DISC1: variants seen among roughly 807,000 people sequenced by gnomAD.
DISC1 encodes DISC1 scaffold protein.
In DISC1, 57 loss-of-function variants were observed where a neutral mutation model predicts 84.5. That is an observed-to-expected ratio of 0.67 (90% CI 0.55 to 0.84). The LOEUF (loss-of-function observed/expected upper bound fraction) is 0.84. Among genes scored for constraint, DISC1 ranks in the 40% least tolerant of loss-of-function variants. The pLI is 0.00. For missense variants in DISC1, 1,000 were observed against 1,057.8 expected, an observed-to-expected ratio of 0.95 and a Z score of 0.76; for synonymous variants, 411 against 415.2, an observed-to-expected ratio of 0.99 and a Z score of 0.12.
At chr1:231,966,718 C>T (rs200172524) in intron 10 of DISC1, among the ~76,000 whole-genome samples, 3 of 152,230 alleles carry the variant, frequency 2.0e-5, no homozygotes, top group Non-Finnish European at 2.9e-5. Flanking sequence ...ACCTTTACCA[C>T]GAACTCTTGA....
intron 11 of DISC1, among the ~76,000 whole-genome samples, chr1:232,024,788 A>G (rs1669296458): frequency 6.6e-6 from 1 of 151,576 alleles, no homozygotes. Context: ...GAGGGGGTTT[A>G]ACCATGTTGG....
rs76422196 is a variant in DISC1 at position 231,804,960 on chromosome 1, T to G, written c.1792+4750T>G. Among the ~76,000 whole-genome samples, 1,052 of 152,268 alleles carry G rather than the reference T, an allele frequency of 6.9e-3. 12 individuals carry two copies. Among genetic ancestry groups the G allele is most frequent in the African/African-American group, 0.024 (986 of 41,546 alleles). ...TGGCAACACCTTGGGAGTCATGGAA[T>G]TAACTAGGATGTTAGAAATGAAAAA... On this transcript the variant is annotated intron_variant, in intron 8 of 12. Coordinates refer to ENST00000439617, the MANE Select transcript of DISC1 (RefSeq NM_018662.3).
At chr1:231,642,731 A>C (rs2125201944) in intron 1 of DISC1, among the ~76,000 whole-genome samples, 1 of 151,942 alleles carries the variant, frequency 6.6e-6, no homozygotes, top group East Asian at 1.9e-4. Flanking sequence ...GTGTTTCTGA[A>C]TCTCTTCTGG....
At chr1:231,640,354 G>C (rs1164910919) in intron 1 of DISC1, among the ~76,000 whole-genome samples, 1 of 152,086 alleles carries the variant, frequency 6.6e-6, no homozygotes, top group Non-Finnish European at 1.5e-5. Flanking sequence ...AGAGTGTCTT[G>C]GGGAAGATGA....
chr1:231,718,562 G>A (rs551030492), intron 3 of DISC1, among the ~76,000 whole-genome samples: 3 of 151,528 alleles, frequency 2.0e-5, no homozygotes, highest in African/African-American at 7.3e-5. Flanking sequence ...TCAGCCTCCC[G>A]AGTAGCTGGG....
intron 6 of DISC1, among the ~76,000 whole-genome samples, chr1:231,779,995 T>A (rs183968773): frequency 1.5e-3 from 227 of 151,774 alleles, no homozygotes; most frequent in African/African-American, 5.2e-3. Flanking sequence ...TTTTAAGAAA[T>A]AAAGCTCTCC....
At chr1:231,848,401 C>G (rs951076762) in intron 9 of DISC1, among the ~76,000 whole-genome samples, 1 of 152,220 alleles carries the variant, frequency 6.6e-6, no homozygotes, top group Non-Finnish European at 1.5e-5. Context: ...AACTGACAGT[C>G]TTTTGAAGTT....
intron 3 of DISC1, among the ~76,000 whole-genome samples, chr1:231,739,614 AC>A (rs2072985543): frequency 6.6e-6 from 1 of 152,154 alleles, no homozygotes; most frequent in Admixed American, 6.5e-5. Flanking sequence ...TATGATTTTG[AC>A]CCCAGTCCCA....
chr1:231,911,310 G>T (rs940922286), intron 9 of DISC1, among the ~76,000 whole-genome samples: 1 of 152,158 alleles, frequency 6.6e-6, no homozygotes, highest in Non-Finnish European at 1.5e-5. Flanking sequence ...GCAGTGGCTG[G>T]TACTGGTTGT....
At chr1:231,985,854 G>A (rs1664350511) in intron 10 of DISC1, among the ~76,000 whole-genome samples, 1 of 152,162 alleles carries the variant, frequency 6.6e-6, no homozygotes, top group Non-Finnish European at 1.5e-5. Flanking sequence ...GAGTTCCTAA[G>A]TGCTATGTTT....
intron 12 of DISC1, among the ~76,000 whole-genome samples, chr1:232,027,793 C>CTGTGTGTG (rs35448234): frequency 0.019 from 2,730 of 143,396 alleles, 41 homozygotes; most frequent in East Asian, 0.039. Context: ...ACTTTATGGG[C>CTGTGTGTG]TGTGTGTGTG....
chr1:231,666,309 G>GAAAA (rs751745733), intron 1 of DISC1, among the ~76,000 whole-genome samples: 5 of 87,276 alleles, frequency 5.7e-5, no homozygotes, highest in African/African-American at 8.3e-5. Context: ...TTTGTCTCAG[G>GAAAA]AAAAAAAAAA....
At chr1:231,891,400 T>A (rs1346492057) in intron 9 of DISC1, among the ~76,000 whole-genome samples, 2 of 152,170 alleles carry the variant, frequency 1.3e-5, no homozygotes, top group Admixed American at 1.3e-4. Flanking sequence ...TAATTGCCAC[T>A]GAAAACATAG....
intron 9 of DISC1, among the ~76,000 whole-genome samples, chr1:231,823,931 T>C (rs2125787514): frequency 6.6e-6 from 1 of 152,264 alleles, no homozygotes; most frequent in Non-Finnish European, 1.5e-5. Flanking sequence ...TTTAAAGGGG[T>C]CATTCTAAGA....
At chr1:231,778,187 C>G (rs1364680438) in intron 6 of DISC1, among the ~76,000 whole-genome samples, 2 of 152,102 alleles carry the variant, frequency 1.3e-5, no homozygotes, top group African/African-American at 4.8e-5. Flanking sequence ...AGGCAACTGT[C>G]TCAAGTCAGA....
At chr1:231,691,659 G>T (rs544950394) in intron 1 of DISC1, among the ~76,000 whole-genome samples, 23 of 152,250 alleles carry the variant, frequency 1.5e-4, no homozygotes, top group African/African-American at 5.3e-4. Context: ...TTCAAGATAC[G>T]AAATTGTTGA....
intron 9 of DISC1, among the ~76,000 whole-genome samples, chr1:231,870,295 G>A (rs1254260914): frequency 6.6e-6 from 1 of 152,114 alleles, no homozygotes; most frequent in Non-Finnish European, 1.5e-5. Context: ...AGCCCCATGG[G>A]CATCCAATTA....
At chr1:231,963,037 C>T (rs1036833555) in intron 10 of DISC1, among the ~76,000 whole-genome samples, 1 of 152,220 alleles carries the variant, frequency 6.6e-6, no homozygotes, top group African/African-American at 2.4e-5. Flanking sequence ...CCTCTTACCA[C>T]CTTCTCCAGG....
chr1:231,836,821 G>T (rs1208250607), intron 9 of DISC1, among the ~76,000 whole-genome samples: 1 of 146,134 alleles, frequency 6.8e-6, no homozygotes, highest in Admixed American at 6.8e-5. Context: ...GCCCCGCCCC[G>T]CCCCTCCCCG....
Sources: gnomAD v4.1 joint callset for allele counts (sites outside exome capture counted in the v4.1 genomes callset) on GRCh38, gnomAD v4.1.1 for gene constraint, MANE v1.5 for transcripts, NCBI Gene and HGNC (gene_info 2026-07-23, HGNC 2026-07-21) for gene names.